Variants in C6orf141 observed in about 807,000 individuals in gnomAD.
C6orf141 encodes the protein uncharacterized protein C6orf141.
For synonymous variants in C6orf141, 164 were observed against 140.5 expected, an observed-to-expected ratio of 1.17 and a Z score of -1.18; for missense variants, 361 against 335.8, an observed-to-expected ratio of 1.07 and a Z score of -0.59.
At chr6:49,554,475 T>C (rs1581900797), downstream of C6orf141, among the ~76,000 whole-genome samples, 1 of 152,308 alleles carries the variant, frequency 6.6e-6, no homozygotes, top group South Asian at 2.1e-4. Context: ...CCGCCTCCCA[T>C]GTTCACACCA....
downstream of C6orf141, among the ~76,000 whole-genome samples, chr6:49,556,087 C>T (rs981486521): frequency 2.0e-5 from 3 of 152,164 alleles, no homozygotes; most frequent in Non-Finnish European, 4.4e-5. Context: ...GAAACGGCAG[C>T]GTGGGCATCT....
chr6:49,556,599 T>C (rs1052705240), downstream of C6orf141, among the ~76,000 whole-genome samples: 10 of 152,218 alleles, frequency 6.6e-5, no homozygotes, highest in African/African-American at 1.9e-4. Flanking sequence ...CATTGCACAA[T>C]TGCAACTCTG....
downstream of C6orf141, among the ~76,000 whole-genome samples, chr6:49,556,990 A>G (rs1772077094): frequency 6.6e-6 from 1 of 152,224 alleles, no homozygotes; most frequent in African/African-American, 2.4e-5. Context: ...ACGGTGGCTC[A>G]CGCCTGTAAT....
At chr6:49,561,625 A>G (rs756629972) in intron 4 of C6orf141, 1 of 152,178 alleles carries the variant, frequency 6.6e-6, no homozygotes, top group Non-Finnish European at 1.5e-5. Context: ...ATAAGTGTTA[A>G]TTTATTTCAC....
downstream of C6orf141, chr6:49,552,990 G>A (rs890803411): frequency 1.3e-5 from 2 of 152,058 alleles, no homozygotes; most frequent in Non-Finnish European, 2.9e-5. Flanking sequence ...GCAGTGCAAC[G>A]GCACGATCTT....
At position 49,551,700 on chromosome 6, in the gene C6orf141, T is replaced by C. The variant is rs1770656648; in HGVS notation, c.*173T>C. The C allele has an allele frequency of 4.2e-6, 6 of 1,438,694 alleles. No homozygotes were observed. The highest frequency in any genetic ancestry group is 5.5e-6 in the Non-Finnish European group (6 of 1,096,046). The allele number at this position is 1,438,694 out of a possible 1,614,324, so 89.1% of individuals were successfully genotyped here. A position where few individuals can be genotyped will look rare whatever the true frequency, so the allele number is the denominator to read the frequency against. On this transcript the variant is annotated 3_prime_UTR_variant, in exon 1 of 1. Transcript: ENST00000529246. ...TGTAAGCAGCATAATACCTCCTTTG[T>C]GGCTTGAATTCCTTCGCTGTCTGGG...
downstream of C6orf141, chr6:49,552,360 T>A (rs1369368666): frequency 6.6e-6 from 1 of 152,238 alleles, no homozygotes; most frequent in Non-Finnish European, 1.5e-5. Flanking sequence ...ACCATTCTCC[T>A]TGTGTAGTTC....
chr6:49,552,033 C>A lies in C6orf141; in HGVS notation c.*506C>A. 1.3e-6 allele frequency: 1 copy of A among 780,432 alleles called. No homozygotes were observed. 48.3% of individuals were successfully genotyped at this position (780,432 alleles called of 1,614,324 possible). A position where few individuals can be genotyped will look rare whatever the true frequency, so the allele number is the denominator to read the frequency against. On this transcript the variant is annotated 3_prime_UTR_variant, in exon 1 of 1. Transcript: ENST00000529246. ...GCAAGTGACTCTCTTCTGATGTGCA[C>A]TTTTCATTTTTCTCCCCCACATTTC...
chr6:49,561,245 G>A (rs139039752), intron 4 of C6orf141, among the ~76,000 whole-genome samples: 21 of 152,170 alleles, frequency 1.4e-4, no homozygotes, highest in Middle Eastern at 3.4e-3. Context: ...TTACGGGTGC[G>A]TGCAGCCAAA....
At position 49,550,899 on chromosome 6, in the gene C6orf141, T is replaced by A. The variant is rs755473701; in HGVS notation, c.107T>A (p.Val36Glu). ...GACCTCGGGCCTTTTCCGCGGGAGG[T>A]AGGGCGCGGGGCTCCGCTAGCTCCG... Reference protein sequence around the residue: ...LGDLGPFPREVGRGAPLAPGA... With the variant: ...LGDLGPFPREEGRGAPLAPGA... Residue 36 changes from valine to glutamate, a missense_variant, in exon 1 of 1, where the codon GTA becomes GAA. Transcript: ENST00000529246. 7 of 1,524,832 alleles carry A rather than the reference T, an allele frequency of 4.6e-6. No individual in the cohort carries two copies. The highest frequency in any genetic ancestry group is 1.2e-5 in the South Asian group (1 of 81,092). 94.5% of individuals were successfully genotyped at this position (1,524,832 alleles called of 1,614,324 possible). A position where few individuals can be genotyped will look rare whatever the true frequency, so the allele number is the denominator to read the frequency against.
intron 4 of C6orf141, among the ~76,000 whole-genome samples, chr6:49,558,714 TG>T (rs971171096): frequency 4.4e-4 from 66 of 151,366 alleles, no homozygotes; most frequent in African/African-American, 3.9e-4. Context: ...GTATTTTTTT[TG>T]GGGGGGGTGC....
Position 49,551,444 on chromosome 6 carries a change from C to G in C6orf141, c.652C>G (p.Arg218Gly), listed in dbSNP as rs531066204. 5 of 1,551,534 alleles carry G rather than the reference C, an allele frequency of 3.2e-6. No individual in the cohort carries two copies. Among genetic ancestry groups the G allele is most frequent in the East Asian group, 2.4e-5 (1 of 40,876 alleles). ...GPAESRALQA[R>G]TGASRVHAAG... Reference sequence around the variant, plus strand: ...TGCTGAATCCCGGGCTCTCCAGGCACGAACAGGGGCATCCCGCGTCCACGC... The same window carrying G: ...TGCTGAATCCCGGGCTCTCCAGGCAGGAACAGGGGCATCCCGCGTCCACGC... Residue 218 changes from arginine to glycine, a missense_variant, in exon 1 of 1, where the codon CGA becomes GGA. Coordinates refer to ENST00000529246, the MANE Select transcript of C6orf141 (RefSeq NM_001145652.2).
chr6:49,559,421 G>T (rs539004317), intron 4 of C6orf141, among the ~76,000 whole-genome samples: 18 of 151,770 alleles, frequency 1.2e-4, no homozygotes, highest in African/African-American at 4.3e-4. Flanking sequence ...ATATGCTTTG[G>T]CATAGTTTAA....
At position 49,550,863 on chromosome 6, in the gene C6orf141, G is replaced by T; in HGVS notation, c.71G>T (p.Arg24Leu). Residue 24 changes from arginine to leucine, a missense_variant, in exon 1 of 1, where the codon CGC becomes CTC. Coordinates refer to ENST00000529246, the MANE Select transcript of C6orf141 (RefSeq NM_001145652.2). ...QGAANPMDSS[R>L]SLGDLGPFPR... ...GCTGCGAATCCCATGGACTCCTCCC[G>T]CAGCCTGGGGGACCTCGGGCCTTTT... 1 of 1,502,212 alleles carries T rather than the reference G, an allele frequency of 6.7e-7. No homozygotes were observed. Among genetic ancestry groups the T allele is most frequent in the Non-Finnish European group, 8.9e-7 (1 of 1,129,438 alleles). 93.1% of individuals were successfully genotyped at this position (1,502,212 alleles called of 1,614,324 possible). A position where few individuals can be genotyped will look rare whatever the true frequency, so the allele number is the denominator to read the frequency against.
At chr6:49,557,146 G>A (rs961138380) in intron 4 of C6orf141, among the ~76,000 whole-genome samples, 1 of 152,170 alleles carries the variant, frequency 6.6e-6, no homozygotes, top group Non-Finnish European at 1.5e-5. Flanking sequence ...CAGCTACTCA[G>A]GAGGCTGAGG....
chr6:49,559,402 G>A (rs1182595240), intron 4 of C6orf141, among the ~76,000 whole-genome samples: 1 of 151,540 alleles, frequency 6.6e-6, no homozygotes, highest in African/African-American at 2.4e-5. Context: ...GCTTTTTTCT[G>A]GAAGTGAAAT....
downstream of C6orf141, among the ~76,000 whole-genome samples, chr6:49,556,161 G>A (rs182707492): frequency 5.5e-4 from 84 of 152,268 alleles, no homozygotes; most frequent in African/African-American, 1.8e-3. Flanking sequence ...ATCAGAATTC[G>A]CATTTTGTCA....
intron 4 of C6orf141, among the ~76,000 whole-genome samples, chr6:49,560,166 T>A (rs996452389): frequency 1.3e-5 from 2 of 151,938 alleles, no homozygotes; most frequent in African/African-American, 4.8e-5. Context: ...ATACACAAAA[T>A]TAGCCAGATG....
At chr6:49,555,997 A>G (rs1771858126), downstream of C6orf141, among the ~76,000 whole-genome samples, 1 of 152,242 alleles carries the variant, frequency 6.6e-6, no homozygotes, top group Admixed American at 6.5e-5. Flanking sequence ...AGTAGTATTA[A>G]TGTAACCTCT....
Sources: gnomAD v4.1 joint callset for allele counts (sites outside exome capture counted in the v4.1 genomes callset) on GRCh38, gnomAD v4.1.1 for gene constraint, MANE v1.5 for transcripts, NCBI Gene and HGNC (gene_info 2026-07-23, HGNC 2026-07-21) for gene names.